Variants in ITGA6 observed in about 807,000 individuals in gnomAD.
The protein encoded by ITGA6 is integrin alpha-6.
In ITGA6, 63 loss-of-function variants were observed where a neutral mutation model predicts 133.6. The observed-to-expected ratio is 0.47, with a 90% CI of 0.38 to 0.58. The LOEUF (loss-of-function observed/expected upper bound fraction) is 0.58, where lower values mean the gene tolerates loss of function less well. Ranked by LOEUF, ITGA6 falls within the 20% of genes least tolerant of loss-of-function variation. The probability of loss-of-function intolerance (pLI) is 0.00; values close to 1 mark genes in which losing one functional copy is unlikely to be tolerated. For synonymous variants in ITGA6, 434 were observed against 482.0 expected, an observed-to-expected ratio of 0.90 and a Z score of 1.30; for missense variants, 1,068 against 1,309.4, an observed-to-expected ratio of 0.82 and a Z score of 2.85.
chr2:172,453,694 C>G (rs1339725995), intron 1 of ITGA6, among the ~76,000 whole-genome samples: 9 of 152,144 alleles, frequency 5.9e-5, no homozygotes, highest in Non-Finnish European at 1.5e-5. Flanking sequence ...CAGGGATATT[C>G]CCTACTTTCT....
Position 172,476,462 on chromosome 2 carries a change from C to A in ITGA6, c.1337C>A (p.Ser446Tyr). 1 of 1,612,718 alleles carries A rather than the reference C, an allele frequency of 6.2e-7. No homozygotes were observed. Among genetic ancestry groups the A allele is most frequent in the Non-Finnish European group, 8.5e-7 (1 of 1,178,890 alleles). Residue 446 changes from serine to tyrosine, a missense_variant, in exon 9 of 26, where the codon TCC (serine) becomes TAC (tyrosine). Physicochemically the swap from Ser to Tyr is moderately radical, Grantham distance 144 (BLOSUM62 -2). Around this residue, in one of 3 missense-constraint regions of ITGA6, gnomAD observed 317 missense variants for 456.9 expected, o/e 0.69. Coordinates refer to ENST00000684293, the MANE Select transcript of ITGA6 (RefSeq NM_000210.4). ...GGAAACATGGACCTTGATCGAAATTCCTACCCTGATGTTGCTGTTGGTTCC... is the reference window on the plus strand; with the variant it reads ...GGAAACATGGACCTTGATCGAAATTACTACCCTGATGTTGCTGTTGGTTCC... ...IAGNMDLDRNSYPDVAVGSLS... is the reference protein window; with the variant it reads ...IAGNMDLDRNYYPDVAVGSLS...
Position 172,474,920 on chromosome 2 carries a change from T to A in ITGA6, c.987-9T>A. ...GGTTCACGGCTCTTTCCCCTCATTATGTTTTTAGGTGGCAAGATATAGTTA... is the reference window on the plus strand; with the variant it reads ...GGTTCACGGCTCTTTCCCCTCATTAAGTTTTTAGGTGGCAAGATATAGTTA... On this transcript the variant is annotated splice_polypyrimidine_tract_variant and intron_variant, in intron 6 of 25. Coordinates refer to ENST00000684293, the MANE Select transcript of ITGA6 (RefSeq NM_000210.4). The A allele has an allele frequency of 7.0e-7, 1 of 1,435,986 alleles. No individual in the cohort carries two copies. The highest frequency in any genetic ancestry group is 9.8e-7 in the Non-Finnish European group (1 of 1,017,642). The allele number at this position is 1,435,986 out of a possible 1,614,324, so 89.0% of individuals were successfully genotyped here. A position where few individuals can be genotyped will look rare whatever the true frequency, so the allele number is the denominator to read the frequency against.
rs1227798481 is a variant in ITGA6, at chr2:172,465,566, A to C, written c.210A>C (p.Glu70Asp). ...RLLLVGAPRA[E>D]ALPLQRANRT... The stretch of plus-strand genomic sequence containing the variant: ...TGCTCGTGGGGGCCCCGCGGGCAGA[A>C]GCGCTTCCACTGCAGAGAGCCAACA... The change falls in exon 2 of 26, where the codon GAA becomes GAC. Residue 70 changes from glutamate to aspartate, a missense_variant. Around this residue, in one of 3 missense-constraint regions of ITGA6, gnomAD observed 142 missense variants for 145.3 expected, o/e 0.98. Transcript: ENST00000684293. The C allele has an allele frequency of 6.2e-7, 1 of 1,614,250 alleles. No individual in the cohort carries two copies. The highest frequency in any genetic ancestry group is 1.1e-5 in the South Asian group (1 of 91,092).
chr2:172,469,191 G>C lies in ITGA6; in HGVS notation c.454G>C (p.Gly152Arg). 2.5e-6 allele frequency: 4 copies of C among 1,614,124 alleles called. No homozygotes were observed. The highest frequency in any genetic ancestry group is 3.4e-6 in the Non-Finnish European group (4 of 1,179,970). The stretch of plus-strand genomic sequence containing the variant: ...GAAGCAGGAATCCCGAGACATCTTT[G>C]GGCGGTGTTATGTCCTGAGTCAGAA... ...NTKQESRDIF[G>R]RCYVLSQNLR... Residue 152 changes from glycine (G) to arginine (R), a missense_variant, in exon 4 of 26, where the codon GGG (glycine) becomes CGG (arginine). Gly to Arg is a moderately radical substitution (Grantham distance 125). Transcript: ENST00000684293.
At chr2:172,489,092 C>T (rs767833062) in intron 19 of ITGA6, among the ~76,000 whole-genome samples, 1 of 152,140 alleles carries the variant, frequency 6.6e-6, no homozygotes, top group East Asian at 1.9e-4. Flanking sequence ...TGGGGTTTTC[C>T]AGAAGCAGGT....
intron 23 of ITGA6, among the ~76,000 whole-genome samples, chr2:172,492,687 G>C (rs1178428829): frequency 6.6e-6 from 1 of 152,148 alleles, no homozygotes; most frequent in African/African-American, 2.4e-5. Context: ...CAGAATGACT[G>C]CATGTCATGG....
At chr2:172,497,897 C>T in intron 23 of ITGA6, 78 bp from the exon 24 acceptor site, 2 of 1,512,368 alleles carry the variant, frequency 1.3e-6, no homozygotes, top group South Asian at 2.3e-5. Flanking sequence ...TATTCAAAAG[C>T]AGAATTAGAA....
rs1318622655 is a variant in ITGA6, at chr2:172,474,179, TCTC to T, written c.905_907del (p.Leu302del). 1.2e-6 allele frequency: 2 copies of T among 1,614,110 alleles called. No homozygotes were observed. The highest frequency in any genetic ancestry group is 1.1e-5 in the South Asian group (1 of 91,082). ...TGAAGAGAGACATGAAGTCTGCACA[TCTC>T]CTCCCTGAGCACATATTCGATGGAG... On this transcript the variant is annotated inframe_deletion, in exon 6 of 26. Transcript: ENST00000684293.
intron 2 of ITGA6, 105 bp downstream of exon 2, chr2:172,465,768 C>A: frequency 7.0e-7 from 1 of 1,424,200 alleles, no homozygotes; most frequent in Non-Finnish European, 9.9e-7. Context: ...GAGAGGACTT[C>A]TTTTAATTGC....
Position 172,487,072 on chromosome 2 carries a change from A to G in ITGA6, c.1904A>G (p.Asn635Ser), listed in dbSNP as rs373287282. 9.3e-6 allele frequency: 15 copies of G among 1,613,396 alleles called. No individual in the cohort carries two copies. The highest frequency in any genetic ancestry group is 3.3e-4 in the Middle Eastern group (2 of 6,084). Residue 635 changes from asparagine to serine, a missense_variant, in exon 14 of 26, where the codon AAC (asparagine) becomes AGC (serine). Physicochemically the swap from Asn to Ser is conservative, Grantham distance 46. This residue lies in a region of ITGA6 where 609 missense variants were observed against 707.2 expected (regional missense o/e 0.86). Coordinates refer to ENST00000684293, the MANE Select transcript of ITGA6 (RefSeq NM_000210.4). ...GCGDDNVCNS[N>S]LKLEYKFCTR... is the part of the protein sequence containing the mutation. ...GGAGACGACAATGTATGTAACAGCA[A>G]CCTTAAACTAGAATATAAATTTTGC...
At chr2:172,501,691 A>C in intron 24 of ITGA6, 81 bp from the exon 25 acceptor site, 3 of 1,405,836 alleles carry the variant, frequency 2.1e-6, no homozygotes, top group Middle Eastern at 4.1e-4. Context: ...AGTAGAAGGC[A>C]GATTAAAATT....
At position 172,469,234 on chromosome 2, in the gene ITGA6, A is replaced by G. The variant is rs1685811673; in HGVS notation, c.497A>G (p.Asp166Gly). Residue 166 changes from aspartate to glycine, a missense_variant, in exon 4 of 26, where the codon GAT becomes GGT. By Grantham distance (94) the Asp-to-Gly change is moderately conservative. Transcript: ENST00000684293. ...AGTCAGAATCTCAGGATTGAAGACG[A>G]TATGGATGGGGGAGATTGGAGCTTT... is the stretch of plus-strand genomic sequence containing the variant. ...VLSQNLRIED[D>G]MDGGDWSFCD... The G allele has an allele frequency of 6.2e-7, 1 of 1,614,138 alleles. No individual in the cohort carries two copies. Among genetic ancestry groups the G allele is most frequent in the Non-Finnish European group, 8.5e-7 (1 of 1,180,014 alleles).
chr2:172,474,388 T>A, intron 6 of ITGA6, 123 bp downstream of exon 6: 1 of 811,716 alleles, frequency 1.2e-6, no homozygotes, highest in Non-Finnish European at 2.1e-6. Context: ...TTGCCGCATT[T>A]TTACCAGCCT....
intron 1 of ITGA6, among the ~76,000 whole-genome samples, chr2:172,458,337 G>A (rs2149027559): frequency 6.6e-6 from 1 of 151,534 alleles, no homozygotes; most frequent in Admixed American, 6.6e-5. Context: ...TCTCCGGGGT[G>A]CAGGCAATTC....
intron 24 of ITGA6, among the ~76,000 whole-genome samples, chr2:172,500,799 G>A (rs148137942): frequency 6.6e-6 from 1 of 152,330 alleles, no homozygotes; most frequent in African/African-American, 2.4e-5. Context: ...GTAGCCATTA[G>A]TCATGTGTGG....
intron 1 of ITGA6, among the ~76,000 whole-genome samples, chr2:172,457,717 G>A (rs1027246522): frequency 2.6e-5 from 4 of 152,184 alleles, no homozygotes; most frequent in African/African-American, 4.8e-5. Context: ...TAAGAGAGAC[G>A]TTGTGGTAAC....
chr2:172,466,799 A>G (rs1227391259), intron 2 of ITGA6, among the ~76,000 whole-genome samples: 1 of 152,020 alleles, frequency 6.6e-6, no homozygotes, highest in African/African-American at 2.4e-5. Flanking sequence ...TGTTTTTGTA[A>G]TGATTCAAGA....
intron 24 of ITGA6, among the ~76,000 whole-genome samples, chr2:172,500,254 A>T (rs1467782573): frequency 2.6e-5 from 4 of 151,888 alleles, no homozygotes; most frequent in African/African-American, 7.2e-5. Context: ...AAAAAAAAAA[A>T]GTCCCTTGGG....
chr2:172,489,800 C>A, intron 20 of ITGA6, 142 bp downstream of exon 20: 1 of 804,120 alleles, frequency 1.2e-6, no homozygotes, highest in Admixed American at 2.3e-5. Flanking sequence ...TTTCTCTTTT[C>A]TAGTTGGGTA....
Sources: allele counts gnomAD v4.1 joint callset (sites outside exome capture counted in the v4.1 genomes callset), GRCh38; gene constraint gnomAD v4.1.1; regional missense constraint gnomAD v4.1.1; transcripts MANE v1.5; gene names NCBI Gene and HGNC (gene_info 2026-07-23, HGNC 2026-07-21).